The following LRFN5 variants were observed in gnomAD, a reference collection of about 807,000 sequenced individuals.
LRFN5 encodes the protein leucine rich repeat and fibronectin type III domain containing 5.
In LRFN5, 24 loss-of-function variants were observed where a neutral mutation model predicts 45.6. The observed-to-expected ratio is 0.53, with a 90% CI of 0.38 to 0.74. The LOEUF (loss-of-function observed/expected upper bound fraction) is 0.74. Among genes scored for constraint, LRFN5 ranks in the 30% least tolerant of loss-of-function variants. The pLI, the probability that LRFN5 is intolerant of heterozygous loss-of-function variation, is 0.00. For synonymous variants in LRFN5, 340 were observed against 313.8 expected (o/e 1.08, Z -0.88); for missense variants, 776 against 861.5 (o/e 0.90, Z 1.24).
At chr14:41,820,247 G>C (rs1594438551) in intron 2 of LRFN5, among the ~76,000 whole-genome samples, 1 of 151,612 alleles carries the variant, frequency 6.6e-6, no homozygotes, top group African/African-American at 2.4e-5. Flanking sequence ...TATAGTTTCA[G>C]GTCTTATATT....
At chr14:41,649,653 G>C (rs1376200969) in intron 1 of LRFN5, among the ~76,000 whole-genome samples, 1 of 152,046 alleles carries the variant, frequency 6.6e-6, no homozygotes, top group Non-Finnish European at 1.5e-5. Context: ...ATTTTATCAG[G>C]TTCCTCATCC....
chr14:41,705,517 A>G (rs370328176), intron 1 of LRFN5, among the ~76,000 whole-genome samples: 3 of 152,336 alleles, frequency 2.0e-5, no homozygotes, highest in Admixed American at 6.5e-5. Flanking sequence ...ATGCACATAT[A>G]CATAAGCATG....
At chr14:41,664,643 TTAAG>T (rs1224270944) in intron 1 of LRFN5, among the ~76,000 whole-genome samples, 3 of 151,972 alleles carry the variant, frequency 2.0e-5, no homozygotes, top group African/African-American at 7.2e-5. Context: ...GCCCATGCAA[TTAAG>T]TGAGAACCTA....
intron 2 of LRFN5, among the ~76,000 whole-genome samples, chr14:41,875,094 A>G (rs981346399): frequency 6.6e-5 from 10 of 152,220 alleles, no homozygotes; most frequent in African/African-American, 2.4e-4. Flanking sequence ...ATCAACAAAT[A>G]GCCATCTACT....
chr14:41,859,367 A>G (rs1441917803), intron 2 of LRFN5, among the ~76,000 whole-genome samples: 2 of 152,172 alleles, frequency 1.3e-5, no homozygotes, highest in Admixed American at 1.3e-4. Context: ...GCTATCTCCA[A>G]ATACAATTCT....
At chr14:41,811,263 G>A (rs1295831182) in intron 2 of LRFN5, among the ~76,000 whole-genome samples, 2 of 151,946 alleles carry the variant, frequency 1.3e-5, no homozygotes, top group African/African-American at 4.8e-5. Flanking sequence ...AAAAAAGACA[G>A]ACAATAACAA....
At chr14:41,731,376 T>G (rs1884170590) in intron 1 of LRFN5, 1 of 152,154 alleles carries the variant, frequency 6.6e-6, no homozygotes, top group African/African-American at 2.4e-5. Context: ...CTTGGCTACC[T>G]TCTGTGTTCT....
intron 2 of LRFN5, among the ~76,000 whole-genome samples, chr14:41,812,647 G>A (rs866040093): frequency 2.6e-5 from 4 of 151,754 alleles, no homozygotes; most frequent in Admixed American, 2.6e-4. Flanking sequence ...AAAAAGATCT[G>A]TTTGAAAGAG....
At position 41,763,624 on chromosome 14, in the gene LRFN5, C is replaced by T. The variant is rs187529542; in HGVS notation, c.-196-3230C>T. Among the ~76,000 whole-genome samples, 271 of 152,138 alleles carry T rather than the reference C, an allele frequency of 1.8e-3. 5 individuals are homozygous for T. The South Asian group carries it at 0.028, about 16-fold the overall frequency. On this transcript the variant is annotated intron_variant, in intron 1 of 5. Coordinates refer to ENST00000298119, the MANE Select transcript of LRFN5 (RefSeq NM_152447.5). Reference sequence around the variant, plus strand: ...GGGTGCAGGTCTTTCCAAAGCTGTTCTGGTGATAGTGAATAAGTCTCATAA... The same window carrying T: ...GGGTGCAGGTCTTTCCAAAGCTGTTTTGGTGATAGTGAATAAGTCTCATAA...
intron 2 of LRFN5, among the ~76,000 whole-genome samples, chr14:41,862,896 G>A (rs1889714970): frequency 3.5e-5 from 4 of 115,120 alleles, no homozygotes; most frequent in South Asian, 5.3e-4. Flanking sequence ...ACGGAGTCTT[G>A]CTCTGTGGTC....
In LRFN5 at chr14:41,638,242, TG is replaced by T. The variant is rs1390758649; in HGVS notation, c.-197+29681del. ...CTTTGAAAATGTCAATATATTTTCATGTCACACTAGATATAACTTGTTCCTC... is the reference window on the plus strand; with the variant it reads ...CTTTGAAAATGTCAATATATTTTCATTCACACTAGATATAACTTGTTCCTC... On this transcript the variant is annotated intron_variant, in intron 1 of 5. Coordinates refer to ENST00000298119, the MANE Select transcript of LRFN5 (RefSeq NM_152447.5). 3.3e-5 allele frequency among the ~76,000 whole-genome samples: 5 copies of T among 152,028 alleles called. No homozygotes were observed. In the East Asian group the frequency reaches 9.6e-4, roughly 29 times the overall value.
At chr14:41,621,638 G>C (rs1317887120) in intron 1 of LRFN5, among the ~76,000 whole-genome samples, 1 of 152,036 alleles carries the variant, frequency 6.6e-6, no homozygotes, top group Non-Finnish European at 1.5e-5. Flanking sequence ...TAGAATTAAG[G>C]CTGGAAAATA....
At chr14:41,813,577 C>T (rs1203683472) in intron 2 of LRFN5, among the ~76,000 whole-genome samples, 1 of 152,092 alleles carries the variant, frequency 6.6e-6, no homozygotes, top group Non-Finnish European at 1.5e-5. Flanking sequence ...GCCACATTTT[C>T]TTATCCATCT....
chr14:41,708,327 C>T (rs1258116452), intron 1 of LRFN5, among the ~76,000 whole-genome samples: 1 of 151,926 alleles, frequency 6.6e-6, no homozygotes, highest in Non-Finnish European at 1.5e-5. Context: ...ATTCATCTGC[C>T]TCTTCTCATT....
intron 1 of LRFN5, among the ~76,000 whole-genome samples, chr14:41,617,972 ACTT>A (rs1381462344): frequency 6.6e-6 from 1 of 152,022 alleles, no homozygotes; most frequent in African/African-American, 2.4e-5. Flanking sequence ...TTGCTGTGCT[ACTT>A]GTGTAGACTG....
At position 41,829,520 on chromosome 14, in the gene LRFN5, T is replaced by TA. The variant is rs539634349; in HGVS notation, c.-20-57083dup. ...CTGATTGACCTTATCTTGAATGAGG[T>TA]AAATTATAAACCATATTATCCAGGT... On this transcript the variant is annotated intron_variant, in intron 2 of 5. Transcript: ENST00000298119. Among the ~76,000 whole-genome samples, 1,473 of 152,114 alleles carry TA rather than the reference T, an allele frequency of 9.7e-3. 22 individuals carry two copies. The highest frequency in any genetic ancestry group is 0.034 in the African/African-American group (1,405 of 41,542).
chr14:41,895,450 C>A (rs148527892), intron 4 of LRFN5, among the ~76,000 whole-genome samples: 132 of 152,026 alleles, frequency 8.7e-4, no homozygotes, highest in Admixed American at 1.5e-3. Context: ...GTGGTGAAAC[C>A]CTGTCACTAG....
chr14:41,852,391 A>G (rs1008027827), intron 2 of LRFN5, among the ~76,000 whole-genome samples: 1 of 151,922 alleles, frequency 6.6e-6, no homozygotes, highest in Non-Finnish European at 1.5e-5. Context: ...AATTTTCAGC[A>G]TGTCACTCAC....
intron 2 of LRFN5, among the ~76,000 whole-genome samples, chr14:41,794,400 T>G (rs1887044739): frequency 6.6e-6 from 1 of 152,120 alleles, no homozygotes. Context: ...AGTTCAAATA[T>G]TACCTCCTGT....
Sources: allele counts gnomAD v4.1 joint callset (sites outside exome capture counted in the v4.1 genomes callset), GRCh38; gene constraint gnomAD v4.1.1; transcripts MANE v1.5; gene names NCBI Gene and HGNC (gene_info 2026-07-23, HGNC 2026-07-21).